Variants in TTF1 observed in about 807,000 individuals in gnomAD.
TTF1 encodes transcription termination factor 1.
In TTF1, 64 loss-of-function variants were observed where a neutral mutation model predicts 80.2. That is an observed-to-expected ratio of 0.80 (90% confidence interval 0.65 to 0.98). The LOEUF is 0.98. Ranked by LOEUF, TTF1 falls within the 50% of genes least tolerant of loss-of-function variation. The probability of loss-of-function intolerance (pLI) is 0.00; values close to 1 mark genes in which losing one functional copy is unlikely to be tolerated. For synonymous variants in TTF1, 372 were observed against 382.7 expected, an observed-to-expected ratio of 0.97 and a Z score of 0.33; for missense variants, 1,023 against 1,086.2, an observed-to-expected ratio of 0.94 and a Z score of 0.82.
At chr9:132,402,888 C>T in intron 1 of TTF1, 60 bp from the exon 2 acceptor site, 2 of 1,467,472 alleles carry the variant, frequency 1.4e-6, no homozygotes, top group Non-Finnish European at 1.8e-6. Context: ...CGGAGTCTCA[C>T]TCTGTCGCCC....
intron 10 of TTF1, among the ~76,000 whole-genome samples, chr9:132,378,678 T>C (rs1393442261): frequency 7.3e-6 from 1 of 136,642 alleles, no homozygotes; most frequent in African/African-American, 2.9e-5. Context: ...AGTGCATGCA[T>C]GTGGTGTGTG....
At position 132,402,333 on chromosome 9, in the gene TTF1, A is replaced by C. The variant is rs372669213; in HGVS notation, c.489T>G (p.Val163=). 3 of 1,613,832 alleles carry C rather than the reference A, an allele frequency of 1.9e-6. No individual in the cohort carries two copies. In the African/African-American group the frequency reaches 4.0e-5, roughly 22 times the overall value. ...GATGCTTTTTATTCTTTTTCTCCCT[A>C]ACTTTACTGTGCAGGGCTTCTGATT... ...AHKSEALHSK[V]REKKNKKHQR... is the part of the protein sequence containing the mutation. Residue 163 remains valine (V), a synonymous_variant, in exon 2 of 11, where the codon GTT becomes GTG. Transcript: ENST00000334270.
chr9:132,380,928 T>C (rs949008926), intron 9 of TTF1, among the ~76,000 whole-genome samples: 1 of 152,128 alleles, frequency 6.6e-6, no homozygotes, highest in Non-Finnish European at 1.5e-5. Flanking sequence ...ATTTATTTTC[T>C]TGAGACAGGG....
At chr9:132,377,578 GGTGTGTGTGAGTGCATGTGGT>G (rs1310966965) in intron 10 of TTF1, among the ~76,000 whole-genome samples, 2 of 18,596 alleles carry the variant, frequency 1.1e-4, no homozygotes, top group South Asian at 5.2e-3. Context: ...GAGTGCATGT[GGTGTGTGTGAGTGCATGTGGT>G]GTGTGTGTGA....
At chr9:132,377,309 AGTGCATGTGGTGTGTGT>A (rs1849209497) in intron 10 of TTF1, among the ~76,000 whole-genome samples, 1 of 87,254 alleles carries the variant, frequency 1.1e-5, no homozygotes, top group Non-Finnish European at 2.3e-5. Flanking sequence ...ATGTGGTGTG[AGTGCATGTGGTGTGTGT>A]GTGAATGCAT....
chr9:132,388,082 CT>C, intron 8 of TTF1, 56 bp downstream of exon 8: 1 of 1,406,162 alleles, frequency 7.1e-7, no homozygotes, highest in Non-Finnish European at 9.9e-7. Context: ...GGGTTAACAA[CT>C]TCTCTTTGGC....
At chr9:132,390,166 G>C (rs1194440630) in intron 7 of TTF1, among the ~76,000 whole-genome samples, 2 of 152,122 alleles carry the variant, frequency 1.3e-5, no homozygotes, top group East Asian at 3.8e-4. Flanking sequence ...TTTTGGTAGA[G>C]ACAGGGTTTT....
intron 9 of TTF1, among the ~76,000 whole-genome samples, chr9:132,381,964 T>C (rs1232528498): frequency 6.6e-6 from 1 of 152,182 alleles, no homozygotes; most frequent in Admixed American, 6.5e-5. Context: ...CACCCCACTG[T>C]CTACCTTCCA....
Position 132,390,835 on chromosome 9 carries a change from T to C in TTF1, c.1988-4A>G, listed in dbSNP as rs367622352. The C allele has an allele frequency of 1.2e-5, 19 of 1,612,328 alleles. No individual in the cohort carries two copies. Among genetic ancestry groups the C allele is most frequent in the Non-Finnish European group, 1.4e-5 (17 of 1,179,278 alleles). On this transcript the variant is annotated splice_polypyrimidine_tract_variant and splice_region_variant and intron_variant, in intron 6 of 10. Transcript: ENST00000334270. ...CTCCAAGCACCACGATTTCTTTCTG[T>C]AGATATAAAAAGATGGTCTTATAGT...
chr9:132,397,871 A>T (rs1357856535), intron 4 of TTF1, among the ~76,000 whole-genome samples: 4 of 152,236 alleles, frequency 2.6e-5, no homozygotes, highest in Middle Eastern at 6.8e-3. Flanking sequence ...CTGTAGTCCC[A>T]GCTACTCAGG....
chr9:132,393,515 A>G (rs1589822822), intron 5 of TTF1, among the ~76,000 whole-genome samples: 2 of 152,396 alleles, frequency 1.3e-5, no homozygotes, highest in East Asian at 3.9e-4. Flanking sequence ...AATTCGGCCC[A>G]TCCCTTCGTT....
chr9:132,390,480 T>G lies in TTF1; in HGVS notation c.2222+117A>C, dbSNP rs929274111. 4 of 923,260 alleles carry G rather than the reference T, an allele frequency of 4.3e-6. No homozygotes were observed. In the Admixed American group the frequency reaches 9.2e-5, roughly 21 times the overall value. The allele number at this position is 923,260 out of a possible 1,614,324, so 57.2% of individuals were successfully genotyped here. On this transcript the variant is annotated intron_variant, in intron 7 of 10. Coordinates refer to ENST00000334270, the MANE Select transcript of TTF1 (RefSeq NM_007344.4). ...TATGGAAGCAGCTGGGGCAGCAGAC[T>G]AGACACGATTGTTCTTGACACGTCA...
chr9:132,376,981 TTG>T (rs1166780406), intron 10 of TTF1, among the ~76,000 whole-genome samples: 1 of 152,134 alleles, frequency 6.6e-6, no homozygotes, highest in Non-Finnish European at 1.5e-5. Flanking sequence ...GGCCAGAAAT[TTG>T]TGTTTTTAAC....
Position 132,390,759 on chromosome 9 carries a change from T to C in TTF1, c.2060A>G (p.Lys687Arg), listed in dbSNP as rs1288289089. The C allele has an allele frequency of 1.2e-6, 2 of 1,614,234 alleles. No individual in the cohort carries two copies. The highest frequency in any genetic ancestry group is 2.2e-5 in the South Asian group (2 of 91,086). The part of the protein sequence containing the change: ...LIKAVEEVIL[K>R]KMSPQELKEV... ...TTTTAACTCCTGGGGAGACATCTTC[T>C]TCAGAATCACTTCTTCGACAGCCTT... Residue 687 changes from lysine to arginine, a missense_variant, in exon 7 of 11, where the codon AAG (lysine) becomes AGG (arginine). Lys to Arg is a conservative substitution (Grantham distance 26). Transcript: ENST00000334270.
rs375014236 is a variant in TTF1, at chr9:132,402,263, G to C, written c.559C>G (p.Leu187Val). 1 of 1,613,938 alleles carries C rather than the reference G, an allele frequency of 6.2e-7. No individual in the cohort carries two copies. Among genetic ancestry groups the C allele is most frequent in the African/African-American group, 1.3e-5 (1 of 74,892 alleles). ...SWESQRARDT[L>V]PQSESHQEES... ...TCCTGGTGGGATTCTGACTGAGGCA[G>C]GGTGTCCCTTGCCCGCTGGCTCTCC... is the stretch of plus-strand genomic sequence containing the variant. Residue 187 changes from leucine to valine, a missense_variant, in exon 2 of 11, where the codon CTG (leucine) becomes GTG (valine). Leu to Val is a conservative substitution (Grantham distance 32). Transcript: ENST00000334270.
At chr9:132,388,434 T>C (rs144659504) in intron 7 of TTF1, among the ~76,000 whole-genome samples, 2,038 of 152,148 alleles carry the variant, frequency 0.013, 22 homozygotes, top group Middle Eastern at 0.037. Context: ...CCTTCCGGGT[T>C]CAAGCGATTC....
rs781320000 is a variant in TTF1 at position 132,402,649 on chromosome 9, T to A, written c.173A>T (p.Asp58Val). ...QITRRKKRKKDFQHLISSPLK... is the reference protein window; with the variant it reads ...QITRRKKRKKVFQHLISSPLK... ...AGGAGAAGAAATGAGATGCTGGAAATCTTTTTTCCTCTTTTTCCTCCTAGT... is the reference window on the plus strand; with the variant it reads ...AGGAGAAGAAATGAGATGCTGGAAAACTTTTTTCCTCTTTTTCCTCCTAGT... The change falls in exon 2 of 11, where the codon GAT becomes GTT. Residue 58 changes from aspartate to valine, a missense_variant. Transcript: ENST00000334270. The A allele has an allele frequency of 5.6e-6, 9 of 1,612,980 alleles. No homozygotes were observed. The highest frequency in any genetic ancestry group is 7.6e-6 in the Non-Finnish European group (9 of 1,179,784).
chr9:132,402,931 C>T, intron 1 of TTF1, 103 bp from the exon 2 acceptor site: 1 of 1,158,388 alleles, frequency 8.6e-7, no homozygotes, highest in East Asian at 2.5e-5. Context: ...TCTCGGCTCA[C>T]TGCAAGCTCC....
intron 10 of TTF1, among the ~76,000 whole-genome samples, chr9:132,378,413 T>G (rs1849289467): frequency 2.4e-5 from 2 of 81,702 alleles, no homozygotes; most frequent in Non-Finnish European, 4.5e-5. Context: ...TGAGTGCATG[T>G]GGTGTGAGTG....
Sources: allele counts gnomAD v4.1 joint callset (sites outside exome capture counted in the v4.1 genomes callset), GRCh38; gene constraint gnomAD v4.1.1; transcripts MANE v1.5; gene names NCBI Gene and HGNC (gene_info 2026-07-23, HGNC 2026-07-21).